Variants in NUP210 observed in about 807,000 individuals in gnomAD.
NUP210 encodes nucleoporin 210, also known as nuclear pore membrane glycoprotein 210.
In NUP210, 151 loss-of-function variants were observed where a neutral mutation model predicts 196.0. The ratio of observed to expected loss-of-function variants is 0.77; its 90% CI spans 0.67 to 0.88. The LOEUF (loss-of-function observed/expected upper bound fraction) is 0.88, where lower values mean the gene tolerates loss of function less well. Among genes scored for constraint, NUP210 ranks in the 40% least tolerant of loss-of-function variants. The pLI is 0.00. For synonymous variants in NUP210, 1,070 were observed against 1,052.7 expected (o/e 1.02, Z -0.32); for missense variants, 2,314 against 2,493.7 (o/e 0.93, Z 1.53).
chr3:13,396,590 A>C (rs1699661629), intron 3 of NUP210, among the ~76,000 whole-genome samples: 1 of 144,566 alleles, frequency 6.9e-6, no homozygotes, highest in South Asian at 2.2e-4. Context: ...TCCACTAAAA[A>C]TACAAAAAAA....
rs561244227 is a variant in NUP210, at chr3:13,367,399, C to T, written c.1787-1308G>A. 2.6e-5 allele frequency among the ~76,000 whole-genome samples: 4 copies of T among 152,306 alleles called. No homozygotes were observed. In the South Asian group the frequency reaches 8.3e-4, roughly 32 times the overall value. On this transcript the variant is annotated intron_variant, in intron 13 of 39. Transcript: ENST00000254508. ...GCAGTGAGCCGAGAACGCACCATTG[C>T]ACTCCCACGTAGGCAACGAGGGAGC...
intron 4 of NUP210, among the ~76,000 whole-genome samples, chr3:13,390,805 G>T (rs1025832208): frequency 6.6e-6 from 1 of 152,184 alleles, no homozygotes; most frequent in African/African-American, 2.4e-5. Context: ...CCATATGGGC[G>T]ACTCAGCCTG....
In NUP210 at chr3:13,342,143, G is replaced by A; in HGVS notation, c.2965-20C>T. On this transcript the variant is annotated intron_variant, in intron 21 of 39. Coordinates refer to ENST00000254508, the MANE Select transcript of NUP210 (RefSeq NM_024923.4). ...CTCCACCTGCATCATGGGGACAGAG[G>A]TTCAGGGGCAGCCTCCAAAAGACCA... is the stretch of plus-strand genomic sequence containing the variant. 1.9e-6 allele frequency: 3 copies of A among 1,613,618 alleles called. No homozygotes were observed. Among genetic ancestry groups the A allele is most frequent in the South Asian group, 2.2e-5 (2 of 91,036 alleles).
chr3:13,420,205 G>T lies in NUP210; in HGVS notation c.22C>A (p.Leu8Met), dbSNP rs540142680. The change falls in exon 1 of 40, where the codon CTG (leucine) becomes ATG (methionine). Residue 8 changes from leucine (L) to methionine (M), a missense_variant. Coordinates refer to ENST00000254508, the MANE Select transcript of NUP210 (RefSeq NM_024923.4). This position sits in a 1 kb window ranked among gnomAD's most constrained non-coding sequence, Gnocchi z 4.8. Reference sequence around the variant, plus strand: ...AGCACCGACAGCGTCAGCAGCAGCAGCCCCCGGCCCCGCGCCGCCATCCTC... The same window carrying T: ...AGCACCGACAGCGTCAGCAGCAGCATCCCCCGGCCCCGCGCCGCCATCCTC... MAARGRG[L>M]LLLTLSVLLA... 1 of 1,179,898 alleles carries T rather than the reference G, an allele frequency of 8.5e-7. No individual in the cohort carries two copies. Among genetic ancestry groups the T allele is most frequent in the South Asian group, 3.3e-5 (1 of 30,596 alleles). The allele number at this position is 1,179,898 out of a possible 1,614,324, so 73.1% of individuals were successfully genotyped here. A position where few individuals can be genotyped will look rare whatever the true frequency, so the allele number is the denominator to read the frequency against.
intron 1 of NUP210, among the ~76,000 whole-genome samples, chr3:13,414,026 C>CT (rs1377843261): frequency 6.6e-6 from 1 of 152,242 alleles, no homozygotes; most frequent in Non-Finnish European, 1.5e-5. Context: ...GTGCTGGCGT[C>CT]TGGCAGGCAC....
chr3:13,366,737 T>G (rs1339474502), intron 13 of NUP210, among the ~76,000 whole-genome samples: 1 of 150,874 alleles, frequency 6.6e-6, no homozygotes, highest in Non-Finnish European at 1.5e-5. Flanking sequence ...CAGGATGATC[T>G]CAATCTCCTG....
At chr3:13,324,706 C>A (rs925114727) in intron 33 of NUP210, among the ~76,000 whole-genome samples, 1 of 152,210 alleles carries the variant, frequency 6.6e-6, no homozygotes. Flanking sequence ...AGCGACTGCT[C>A]TCTCGAGCTC....
rs966951560 is a variant in NUP210, at chr3:13,347,632, C to T, written c.2835+4247G>A. Among the ~76,000 whole-genome samples the T allele has an allele frequency of 1.3e-5, 2 of 152,150 alleles. No homozygotes were observed. Among genetic ancestry groups the T allele is most frequent in the African/African-American group, 2.4e-5 (1 of 41,418 alleles). The stretch of plus-strand genomic sequence containing the variant: ...CACACATTCCCGCAAGCCATCCTTC[C>T]GTGCTGAATATGTATCAACAGGAAG... On this transcript the variant is annotated intron_variant, in intron 20 of 39. Transcript: ENST00000254508. The surrounding 1 kb of genome is among the most constrained non-coding windows in gnomAD (Gnocchi z 4.7).
intron 38 of NUP210, 34 bp downstream of exon 38, chr3:13,319,196 G>A: frequency 6.2e-7 from 1 of 1,611,316 alleles, no homozygotes; most frequent in Non-Finnish European, 8.5e-7. Flanking sequence ...TCGGGGCAGG[G>A]GAACAGACCC....
intron 1 of NUP210, among the ~76,000 whole-genome samples, chr3:13,403,772 C>T (rs576691115): frequency 6.6e-6 from 1 of 152,288 alleles, no homozygotes; most frequent in East Asian, 1.9e-4. Context: ...AGAGAGAAAG[C>T]AGCCTGGCCT....
Position 13,343,302 on chromosome 3 carries a change from AC to A in NUP210, c.2836del (p.Val946CysfsTer12). The A allele has an allele frequency of 1.0e-6, 1 of 997,100 alleles. No homozygotes were observed. The highest frequency in any genetic ancestry group is 1.4e-6 in the Non-Finnish European group (1 of 726,062). The allele number at this position is 997,100 out of a possible 1,614,324, so 61.8% of individuals were successfully genotyped here. A position where few individuals can be genotyped will look rare whatever the true frequency, so the allele number is the denominator to read the frequency against. On this transcript the variant is annotated frameshift_variant and splice_region_variant, in exon 21 of 40. Coordinates refer to ENST00000254508, the MANE Select transcript of NUP210 (RefSeq NM_024923.4). LOFTEE classifies it high-confidence loss of function. ...AYQEARGVAM[V>X]HPLLPGSSTI... Reference sequence around the variant, plus strand: ...GGATGAGCCCGGGAGCAAAGGGTGCACCTGCAAGGTTGGGGCGGAGGTGGAG... The same window carrying A: ...GGATGAGCCCGGGAGCAAAGGGTGCACTGCAAGGTTGGGGCGGAGGTGGAG...
Position 13,391,156 on chromosome 3 carries a change from G to A in NUP210, c.533+55C>T, listed in dbSNP as rs1699477398. 3.1e-6 allele frequency: 4 copies of A among 1,270,214 alleles called. No individual in the cohort carries two copies. The East Asian group carries it at 7.3e-5, about 23-fold the overall frequency. 78.7% of individuals were successfully genotyped at this position (1,270,214 alleles called of 1,614,324 possible). Reference sequence around the variant, plus strand: ...CCCCGCTGGTGAGGAGCTCACAGGTGTCCCCCTTTCCCCTTCCCTTCAAAG... The same window carrying A: ...CCCCGCTGGTGAGGAGCTCACAGGTATCCCCCTTTCCCCTTCCCTTCAAAG... On this transcript the variant is annotated intron_variant, in intron 4 of 39. Coordinates refer to ENST00000254508, the MANE Select transcript of NUP210 (RefSeq NM_024923.4).
chr3:13,343,534 T>C (rs1336791121), intron 20 of NUP210, among the ~76,000 whole-genome samples: 1 of 152,198 alleles, frequency 6.6e-6, no homozygotes, highest in East Asian at 1.9e-4. Flanking sequence ...GGCCAGGAGA[T>C]GGGCTTGGGA....
intron 30 of NUP210, among the ~76,000 whole-genome samples, chr3:13,329,818 G>A (rs558421999): frequency 9.2e-5 from 14 of 152,316 alleles, no homozygotes; most frequent in South Asian, 2.1e-4. Context: ...GGTCCCATCC[G>A]TAAGGAACAC....
Position 13,382,079 on chromosome 3 carries a change from C to T in NUP210, c.818-2358G>A, listed in dbSNP as rs114756160. On this transcript the variant is annotated intron_variant, in intron 6 of 39. Transcript: ENST00000254508. The stretch of plus-strand genomic sequence containing the variant: ...CTGACACATGAACCTCAGCCCAACA[C>T]ATGTGCATGCTATTGGTTTTGCAAA... Among the ~76,000 whole-genome samples the T allele has an allele frequency of 7.7e-3, 1,174 of 152,356 alleles. 14 individuals are homozygous for T. Among genetic ancestry groups the T allele is most frequent in the African/African-American group, 0.027 (1,128 of 41,576 alleles).
chr3:13,323,204 G>T lies in NUP210; in HGVS notation c.4768+105C>A. 7.0e-7 allele frequency: 1 copy of T among 1,420,432 alleles called. No homozygotes were observed. Among genetic ancestry groups the T allele is most frequent in the Non-Finnish European group, 9.7e-7 (1 of 1,033,128 alleles). The allele number at this position is 1,420,432 out of a possible 1,614,324, so 88.0% of individuals were successfully genotyped here. ...GCTAAATGCCCTCTCTGGAGTTGGT[G>T]TGAGTGTGAATAGGAGAAGCAGATA... On this transcript the variant is annotated intron_variant, in intron 34 of 39. Coordinates refer to ENST00000254508, the MANE Select transcript of NUP210 (RefSeq NM_024923.4). The surrounding 1 kb of genome is among the most constrained non-coding windows in gnomAD (Gnocchi z 4.3).
rs1696943396 is a variant in NUP210 at position 13,330,319 on chromosome 3, C to T, written c.4110+141G>A. On this transcript the variant is annotated intron_variant, in intron 30 of 39. Coordinates refer to ENST00000254508, the MANE Select transcript of NUP210 (RefSeq NM_024923.4). Reference sequence around the variant, plus strand: ...GCTGTAGCTTTTTATCTACCTAGGACCTTTGCCCCTGAGTTACTCTAAATG... The same window carrying T: ...GCTGTAGCTTTTTATCTACCTAGGATCTTTGCCCCTGAGTTACTCTAAATG... The T allele has an allele frequency of 6.6e-6, 5 of 756,754 alleles. No individual in the cohort carries two copies. The South Asian group carries it at 7.1e-5, about 11-fold the overall frequency. The allele number at this position is 756,754 out of a possible 1,614,324, so 46.9% of individuals were successfully genotyped here.
At chr3:13,333,635 G>A (rs1043255371) in intron 28 of NUP210, among the ~76,000 whole-genome samples, 39 of 152,182 alleles carry the variant, frequency 2.6e-4, no homozygotes, top group Admixed American at 2.4e-3. Flanking sequence ...CTTCCCAAAC[G>A]GTGAGAAACA....
intron 1 of NUP210, among the ~76,000 whole-genome samples, chr3:13,411,341 G>T (rs1451329863): frequency 6.6e-6 from 1 of 152,192 alleles, no homozygotes; most frequent in Admixed American, 6.5e-5. Flanking sequence ...GAGAGTGAGT[G>T]TGGTTCTGGA....
Sources: gnomAD v4.1 joint callset for allele counts (sites outside exome capture counted in the v4.1 genomes callset) on GRCh38, gnomAD v4.1.1 for gene constraint, Gnocchi (gnomAD v3.1) non-coding constraint, MANE v1.5 for transcripts, NCBI Gene and HGNC (gene_info 2026-07-23, HGNC 2026-07-21) for gene names.